Variants in WWOX observed in about 807,000 individuals in gnomAD.
WWOX encodes the protein WW domain-containing oxidoreductase.
A neutral mutation model predicts 46.2 loss-of-function variants in WWOX; 69 were observed. That is an observed-to-expected ratio of 1.49 (90% CI 1.23 to 1.82). The LOEUF (loss-of-function observed/expected upper bound fraction) is 1.82. Among genes scored for constraint, WWOX ranks in the 40% most tolerant of loss-of-function variants. WWOX has a pLI of 0.00. For missense variants in WWOX, 919 were observed against 542.6 expected, an observed-to-expected ratio of 1.69 and a Z score of -6.89; for synonymous variants, 359 against 202.6, an observed-to-expected ratio of 1.77 and a Z score of -6.56.
chr16:78,326,719 C>G (rs1029513577), intron 5 of WWOX, among the ~76,000 whole-genome samples: 4 of 151,934 alleles, frequency 2.6e-5, no homozygotes, highest in Non-Finnish European at 5.9e-5. Flanking sequence ...TTGCTGTATT[C>G]TTGCCTGCCA....
intron 8 of WWOX, among the ~76,000 whole-genome samples, chr16:78,668,780 C>G (rs546235077): frequency 6.6e-6 from 1 of 152,088 alleles, no homozygotes; most frequent in Non-Finnish European, 1.5e-5. Context: ...GCATTCTGAA[C>G]AGAGGGAATA....
intron 8 of WWOX, among the ~76,000 whole-genome samples, chr16:78,495,610 G>C (rs2084898221): frequency 6.6e-6 from 1 of 151,514 alleles, no homozygotes; most frequent in African/African-American, 2.4e-5. Context: ...CTGGGTTCAA[G>C]TGACTCTCTT....
At chr16:78,723,157 G>A (rs1852550904) in intron 8 of WWOX, among the ~76,000 whole-genome samples, 1 of 152,198 alleles carries the variant, frequency 6.6e-6, no homozygotes, top group African/African-American at 2.4e-5. Flanking sequence ...TGCCGCTTGT[G>A]TTCGTTAATA....
chr16:78,919,203 G>T (rs2045319903), intron 8 of WWOX, among the ~76,000 whole-genome samples: 1 of 152,030 alleles, frequency 6.6e-6, no homozygotes, highest in Non-Finnish European at 1.5e-5. Context: ...ATTCTCTTAT[G>T]TGTATTCATT....
intron 8 of WWOX, among the ~76,000 whole-genome samples, chr16:78,858,368 A>T (rs1364293461): frequency 6.6e-6 from 1 of 151,696 alleles, no homozygotes; most frequent in Non-Finnish European, 1.5e-5. Flanking sequence ...ATGTGTGTGT[A>T]TGTATATATA....
intron 8 of WWOX, among the ~76,000 whole-genome samples, chr16:78,690,367 A>G (rs1431028229): frequency 6.6e-6 from 1 of 152,132 alleles, no homozygotes; most frequent in Non-Finnish European, 1.5e-5. Context: ...CCTGGGCAGC[A>G]CAGTGAGACC....
intron 8 of WWOX, among the ~76,000 whole-genome samples, chr16:78,909,096 C>G (rs998894744): frequency 5.3e-5 from 8 of 152,184 alleles, no homozygotes; most frequent in African/African-American, 1.9e-4. Context: ...GTCCTACAAC[C>G]AAATCAACTT....
At chr16:78,469,266 A>G (rs2084162969) in intron 8 of WWOX, among the ~76,000 whole-genome samples, 2 of 152,046 alleles carry the variant, frequency 1.3e-5, no homozygotes, top group Admixed American at 1.3e-4. Context: ...TAAAATATTT[A>G]AGAACTGGTA....
At chr16:78,477,369 C>T (rs982112617) in intron 8 of WWOX, among the ~76,000 whole-genome samples, 7 of 151,918 alleles carry the variant, frequency 4.6e-5, no homozygotes, top group Non-Finnish European at 1.0e-4. Flanking sequence ...GCCTGTGGTT[C>T]TACTTTTTTT....
intron 8 of WWOX, among the ~76,000 whole-genome samples, chr16:78,543,542 C>G (rs1010004108): frequency 1.3e-5 from 2 of 152,190 alleles, no homozygotes; most frequent in South Asian, 2.1e-4. Flanking sequence ...AACATGGAAA[C>G]TTTTCAACAC....
chr16:79,075,322 G>A lies in WWOX; in HGVS notation c.1057-136286G>A, dbSNP rs117475042. Reference sequence around the variant, plus strand: ...ATCATACATGTATGTTCAAGACACCGGCAGATCACAGGAAGGGAAAAAAAA... The same window carrying A: ...ATCATACATGTATGTTCAAGACACCAGCAGATCACAGGAAGGGAAAAAAAA... On this transcript the variant is annotated intron_variant, in intron 8 of 8. Transcript: ENST00000566780. 1.1e-3 allele frequency among the ~76,000 whole-genome samples: 164 copies of A among 152,106 alleles called. 2 individuals are homozygous for A. Among genetic ancestry groups the A allele is most frequent in the Non-Finnish European group, 1.8e-3 (125 of 68,006 alleles).
At chr16:78,401,773 C>A (rs777523463) in intron 6 of WWOX, among the ~76,000 whole-genome samples, 2 of 151,986 alleles carry the variant, frequency 1.3e-5, no homozygotes, top group Non-Finnish European at 2.9e-5. Context: ...GATCTTGGCT[C>A]ACTGCAACCT....
rs201818301 is a variant in WWOX at position 78,432,611 on chromosome 16, C to A, written c.915C>A (p.Asn305Lys). ...AGCTCTGCAACATCCTCTTCTCCAA[C>A]GAGCTGCACCGTCGCCTCTCCCCAC... ...RSKLCNILFS[N>K]ELHRRLSPRG... The change falls in exon 8 of 9, where the codon AAC (asparagine) becomes AAA (lysine). Residue 305 changes from asparagine (N) to lysine (K), a missense_variant. Physicochemically the swap from Asn to Lys is moderately conservative, Grantham distance 94 (BLOSUM62 0). Coordinates refer to ENST00000566780, the MANE Select transcript of WWOX (RefSeq NM_016373.4). 3.7e-6 allele frequency: 6 copies of A among 1,614,224 alleles called. No homozygotes were observed. The South Asian group carries it at 5.5e-5, about 15-fold the overall frequency.
chr16:78,605,232 C>T (rs561641535), intron 8 of WWOX, among the ~76,000 whole-genome samples: 193 of 151,518 alleles, frequency 1.3e-3, no homozygotes, highest in African/African-American at 4.1e-3. Context: ...ATTGTTTCCC[C>T]ATAATTTTTT....
At chr16:78,314,997 C>A (rs559911699) in intron 5 of WWOX, among the ~76,000 whole-genome samples, 1 of 152,290 alleles carries the variant, frequency 6.6e-6, no homozygotes, top group South Asian at 2.1e-4. Context: ...CCTTCACTCA[C>A]ATGTCCTGAT....
intron 8 of WWOX, among the ~76,000 whole-genome samples, chr16:78,957,161 G>T (rs1012495569): frequency 2.6e-5 from 4 of 152,078 alleles, no homozygotes; most frequent in Non-Finnish European, 5.9e-5. Flanking sequence ...GCAATCTGAG[G>T]TATCTGCCCT....
intron 8 of WWOX, among the ~76,000 whole-genome samples, chr16:78,665,000 G>T (rs1316906331): frequency 6.6e-6 from 1 of 152,186 alleles, no homozygotes; most frequent in South Asian, 2.1e-4. Flanking sequence ...AAGAACTGAC[G>T]TTTTCTGTGC....
chr16:78,308,243 G>T (rs2080169991), intron 5 of WWOX, among the ~76,000 whole-genome samples: 1 of 152,146 alleles, frequency 6.6e-6, no homozygotes. Flanking sequence ...CCCTTGCTAG[G>T]TGAGTGTAAA....
At chr16:78,621,019 A>T (rs918882372) in intron 8 of WWOX, among the ~76,000 whole-genome samples, 4 of 152,160 alleles carry the variant, frequency 2.6e-5, no homozygotes, top group Non-Finnish European at 4.4e-5. Flanking sequence ...AAGGCTGTTG[A>T]AAGGCTCCTT....
Sources: gnomAD v4.1 joint callset for allele counts (sites outside exome capture counted in the v4.1 genomes callset) on GRCh38, gnomAD v4.1.1 for gene constraint, MANE v1.5 for transcripts, NCBI Gene and HGNC (gene_info 2026-07-23, HGNC 2026-07-21) for gene names.